The following KIRREL3 variants were observed in gnomAD, a reference collection of about 807,000 sequenced individuals.
KIRREL3 encodes kin of IRRE-like protein 3.
A neutral mutation model predicts 89.7 loss-of-function variants in KIRREL3; 36 were observed. That is an observed-to-expected ratio of 0.40 (90% confidence interval 0.31 to 0.53). The LOEUF (loss-of-function observed/expected upper bound fraction) is 0.53, where lower values mean the gene tolerates loss of function less well. Ranked by LOEUF, KIRREL3 falls within the 20% of genes least tolerant of loss-of-function variation. KIRREL3 has a pLI of 0.49. For missense variants in KIRREL3, 864 were observed against 1,056.6 expected (o/e 0.82, Z 2.53); for synonymous variants, 445 against 441.4 (o/e 1.01, Z -0.10).
rs1426186740 is a variant in KIRREL3 at position 126,669,436 on chromosome 11, C to T, written c.56-106524G>A. On this transcript the variant is annotated intron_variant, in intron 1 of 16. Transcript: ENST00000525144. This position sits in a 1 kb window ranked among gnomAD's most constrained non-coding sequence, Gnocchi z 5.0. ...TGTATTTTTAACCCACTAACATAAT[C>T]CCCAATGTTTCCATGTCTTTAGTTA... Among the ~76,000 whole-genome samples the T allele has an allele frequency of 6.6e-6, 1 of 152,234 alleles. No individual in the cohort carries two copies. The highest frequency in any genetic ancestry group is 6.5e-5 in the Admixed American group (1 of 15,276).
At position 126,523,209 on chromosome 11, in the gene KIRREL3, C is replaced by A. The variant is rs1333348344; in HGVS notation, c.284-1745G>T. 6.6e-6 allele frequency among the ~76,000 whole-genome samples: 1 copy of A among 152,080 alleles called. No individual in the cohort carries two copies. On this transcript the variant is annotated intron_variant, in intron 3 of 16. Transcript: ENST00000525144. The surrounding 1 kb of genome is among the most constrained non-coding windows in gnomAD (Gnocchi z 4.9). The stretch of plus-strand genomic sequence containing the variant: ...TGAGGTCCCCATCACTGGCTGTATT[C>A]AAGCAGAGGTTGGATGATCGCCTCT...
In KIRREL3 at chr11:126,607,586, C is replaced by T. The variant is rs150966105; in HGVS notation, c.56-44674G>A. ...ACCATTATTGCCATTATTAATTGAT[C>T]GCTGTTATTATCATGTAGGCATTAA... On this transcript the variant is annotated intron_variant, in intron 1 of 16. Transcript: ENST00000525144. This position sits in a 1 kb window ranked among gnomAD's most constrained non-coding sequence, Gnocchi z 6.6. 7.9e-5 allele frequency among the ~76,000 whole-genome samples: 12 copies of T among 152,260 alleles called. No homozygotes were observed. The highest frequency in any genetic ancestry group is 3.9e-4 in the East Asian group (2 of 5,174).
intron 6 of KIRREL3, among the ~76,000 whole-genome samples, chr11:126,460,762 GT>G (rs1272645375): frequency 6.6e-6 from 1 of 152,218 alleles, no homozygotes; most frequent in Non-Finnish European, 1.5e-5. Flanking sequence ...AGGAGGGCGA[GT>G]TTCCCGTTGC....
chr11:126,862,208 T>C (rs1944727603), intron 1 of KIRREL3, among the ~76,000 whole-genome samples: 1 of 152,254 alleles, frequency 6.6e-6, no homozygotes, highest in Non-Finnish European at 1.5e-5. Context: ...AAGGAGATGC[T>C]AGGGTAATAG....
intron 1 of KIRREL3, among the ~76,000 whole-genome samples, chr11:126,847,274 A>G (rs190227800): frequency 9.8e-5 from 15 of 152,298 alleles, no homozygotes; most frequent in African/African-American, 3.6e-4. Context: ...TGTAACTCCT[A>G]TAATTCTGAT....
At chr11:126,502,334 C>T (rs969991471) in intron 4 of KIRREL3, among the ~76,000 whole-genome samples, 1 of 152,216 alleles carries the variant, frequency 6.6e-6, no homozygotes, top group African/African-American at 2.4e-5. Flanking sequence ...CCTGTCCTGG[C>T]TGTGCTGCCC....
intron 1 of KIRREL3, among the ~76,000 whole-genome samples, chr11:126,660,952 C>T (rs867351574): frequency 5.3e-5 from 8 of 152,258 alleles, no homozygotes; most frequent in Middle Eastern, 3.4e-3. Context: ...GGGAGATCAT[C>T]TGAGGCCAGA....
At chr11:126,702,158 T>C (rs1028645053) in intron 1 of KIRREL3, among the ~76,000 whole-genome samples, 30 of 152,218 alleles carry the variant, frequency 2.0e-4, no homozygotes, top group African/African-American at 7.2e-4. Context: ...CCTTCATCTG[T>C]AAACGGGAGC....
intron 4 of KIRREL3, among the ~76,000 whole-genome samples, chr11:126,517,136 A>AAGAG (rs199586143): frequency 0.024 from 3,339 of 140,830 alleles, 85 homozygotes; most frequent in African/African-American, 0.048. Flanking sequence ...GAGAGAGAGA[A>AAGAG]AGAGAGAGAG....
Position 126,750,821 on chromosome 11 carries a change from CTGA to C in KIRREL3, c.56-187912_56-187910del, listed in dbSNP as rs1949309784. Among the ~76,000 whole-genome samples, 1 of 152,202 alleles carries C rather than the reference CTGA, an allele frequency of 6.6e-6. No homozygotes were observed. The highest frequency in any genetic ancestry group is 2.4e-5 in the African/African-American group (1 of 41,448). On this transcript the variant is annotated intron_variant, in intron 1 of 16. Transcript: ENST00000525144. This position sits in a 1 kb window ranked among gnomAD's most constrained non-coding sequence, Gnocchi z 4.2. ...ACGTTGGAACTCAGGTCCTCAGTGA[CTGA>C]TGCTCATATATTCTTTCCATTTTCA...
In KIRREL3 at chr11:126,565,450, A is replaced by G. The variant is rs1490556343; in HGVS notation, c.56-2538T>C. Among the ~76,000 whole-genome samples, 2 of 152,204 alleles carry G rather than the reference A, an allele frequency of 1.3e-5. No homozygotes were observed. Among genetic ancestry groups the G allele is most frequent in the Non-Finnish European group, 2.9e-5 (2 of 68,040 alleles). On this transcript the variant is annotated intron_variant, in intron 1 of 16. Coordinates refer to ENST00000525144, the MANE Select transcript of KIRREL3 (RefSeq NM_032531.4). The surrounding 1 kb of genome is among the most constrained non-coding windows in gnomAD (Gnocchi z 5.4). ...AAATTGAGAATGAGGCAATTTCTCA[A>G]TGTATTTGGCTCATTTAATTTGACA...
At chr11:126,518,353 A>G (rs12270348) in intron 4 of KIRREL3, among the ~76,000 whole-genome samples, 18,428 of 152,214 alleles carry the variant, frequency 0.12, 1,577 homozygotes, top group African/African-American at 0.23. Flanking sequence ...TGTTGGCTAT[A>G]TAATCTCTCG....
At position 126,708,614 on chromosome 11, in the gene KIRREL3, G is replaced by C. The variant is rs570177291; in HGVS notation, c.56-145702C>G. Among the ~76,000 whole-genome samples, 4 of 152,142 alleles carry C rather than the reference G, an allele frequency of 2.6e-5. No homozygotes were observed. The highest frequency in any genetic ancestry group is 9.7e-5 in the African/African-American group (4 of 41,438). On this transcript the variant is annotated intron_variant, in intron 1 of 16. Coordinates refer to ENST00000525144, the MANE Select transcript of KIRREL3 (RefSeq NM_032531.4). This position sits in a 1 kb window ranked among gnomAD's most constrained non-coding sequence, Gnocchi z 5.7. Reference sequence around the variant, plus strand: ...AAGGAAGGAGGGCGTTCGGCTCAACGTCCAGGAGAGGCACCGGCGAACTCG... The same window carrying C: ...AAGGAAGGAGGGCGTTCGGCTCAACCTCCAGGAGAGGCACCGGCGAACTCG...
chr11:126,842,586 T>A (rs1160973840), intron 1 of KIRREL3, among the ~76,000 whole-genome samples: 1 of 152,218 alleles, frequency 6.6e-6, no homozygotes, highest in Non-Finnish European at 1.5e-5. Flanking sequence ...AACACAGTGC[T>A]CATGTGGGAC....
Position 126,445,068 on chromosome 11 carries a change from A to G in KIRREL3, c.1163T>C (p.Val388Ala), listed in dbSNP as rs772181767. The change falls in exon 10 of 17, where the codon GTG becomes GCG. Residue 388 changes from valine (V) to alanine (A), a missense_variant. Physicochemically the swap from Val to Ala is moderately conservative, Grantham distance 64. Coordinates refer to ENST00000525144, the MANE Select transcript of KIRREL3 (RefSeq NM_032531.4). ...GTACTTGCCCGCGTCCTCCTGGCGC[A>G]CGGATTTGAGGGTCAGGGTCTTCTC... ...SNEKTLTLKSVRQEDAGKYVC... is the reference protein window; with the variant it reads ...SNEKTLTLKSARQEDAGKYVC... The G allele has an allele frequency of 6.2e-7, 1 of 1,613,960 alleles. No individual in the cohort carries two copies. Among genetic ancestry groups the G allele is most frequent in the Admixed American group, 1.7e-5 (1 of 60,014 alleles).
At chr11:126,632,080 C>T (rs1245035003) in intron 1 of KIRREL3, among the ~76,000 whole-genome samples, 1 of 152,186 alleles carries the variant, frequency 6.6e-6, no homozygotes, top group Admixed American at 6.5e-5. Context: ...GATTACTGGG[C>T]CCCACTACCA....
At chr11:126,919,127 T>C (rs1253427448) in intron 1 of KIRREL3, among the ~76,000 whole-genome samples, 5 of 152,170 alleles carry the variant, frequency 3.3e-5, no homozygotes, top group African/African-American at 1.2e-4. Context: ...TTTCAAGTGA[T>C]AAATACATGC....
intron 7 of KIRREL3, among the ~76,000 whole-genome samples, chr11:126,451,192 T>C (rs937685142): frequency 2.1e-4 from 31 of 148,010 alleles, no homozygotes; most frequent in African/African-American, 7.3e-4. Context: ...AATGTGGCCG[T>C]GTGTGTGCAT....
chr11:126,446,649 G>T, intron 9 of KIRREL3, 110 bp downstream of exon 9: 1 of 1,236,982 alleles, frequency 8.1e-7, no homozygotes, highest in South Asian at 1.5e-5. Context: ...TTACACTGGA[G>T]GCTGACTCCC....
Sources: gnomAD v4.1 joint callset for allele counts (sites outside exome capture counted in the v4.1 genomes callset) on GRCh38, gnomAD v4.1.1 for gene constraint, Gnocchi (gnomAD v3.1) non-coding constraint, MANE v1.5 for transcripts, NCBI Gene and HGNC (gene_info 2026-07-23, HGNC 2026-07-21) for gene names.